TYR: variants seen among roughly 807,000 people sequenced by gnomAD.
TYR encodes tyrosinase.
Under a neutral mutation model 51.5 loss-of-function variants are expected in TYR, and 58 were observed. The observed-to-expected ratio is 1.13, with a 90% CI of 0.91 to 1.40. TYR has a LOEUF of 1.40. TYR is among the 40% of genes most tolerant of loss of function. The probability of loss-of-function intolerance (pLI) is 0.00; values close to 1 mark genes in which losing one functional copy is unlikely to be tolerated. For missense variants in TYR, 732 were observed against 647.4 expected (o/e 1.13, Z -1.42); for synonymous variants, 263 against 235.2 (o/e 1.12, Z -1.08).
intron 3 of TYR, among the ~76,000 whole-genome samples, chr11:89,280,271 C>A (rs973085341): frequency 1.3e-5 from 2 of 151,612 alleles, no homozygotes; most frequent in African/African-American, 4.8e-5. Context: ...CCTACTTTTT[C>A]TTCTTCTGGC....
chr11:89,252,678 T>A lies in TYR; in HGVS notation c.1184+24708T>A, dbSNP rs146237958. On this transcript the variant is annotated intron_variant, in intron 3 of 4. Transcript: ENST00000263321. ...ATTCAGAAAAAGCAAGTGCAAAACC[T>A]CTGAAATTAAAACAAACTAAGAATT... is the stretch of plus-strand genomic sequence containing the variant. Among the ~76,000 whole-genome samples, 443 of 151,850 alleles carry A rather than the reference T, an allele frequency of 2.9e-3. 1 individual carries two copies. The highest frequency in any genetic ancestry group is 9.9e-3 in the African/African-American group (413 of 41,512).
chr11:89,239,796 C>G (rs1322862032), intron 3 of TYR, among the ~76,000 whole-genome samples: 1 of 152,008 alleles, frequency 6.6e-6, no homozygotes, highest in Non-Finnish European at 1.5e-5. Context: ...TTAATTGACC[C>G]ATTTGTTGTT....
chr11:89,185,509 A>G (rs1050829897), intron 1 of TYR, among the ~76,000 whole-genome samples: 4 of 152,172 alleles, frequency 2.6e-5, no homozygotes, highest in African/African-American at 9.6e-5. Context: ...GAAAAGAAAT[A>G]AACAACAATG....
intron 2 of TYR, among the ~76,000 whole-genome samples, chr11:89,202,395 G>A (rs757766615): frequency 6.6e-6 from 1 of 151,682 alleles, no homozygotes; most frequent in Non-Finnish European, 1.5e-5. Flanking sequence ...AGCACACACT[G>A]TTGAGCTATG....
intron 3 of TYR, among the ~76,000 whole-genome samples, chr11:89,257,450 T>C (rs1479034537): frequency 6.6e-6 from 1 of 152,048 alleles, no homozygotes; most frequent in Non-Finnish European, 1.5e-5. Flanking sequence ...TTAATAGCCA[T>C]ATTATCCGTC....
At chr11:89,210,258 T>C (rs561873091) in intron 2 of TYR, among the ~76,000 whole-genome samples, 48 of 152,216 alleles carry the variant, frequency 3.2e-4, no homozygotes, top group Admixed American at 2.8e-3. Flanking sequence ...GAATAACCAG[T>C]GTAGAGAAGA....
chr11:89,273,315 T>C (rs1944612580), intron 3 of TYR, among the ~76,000 whole-genome samples: 1 of 151,922 alleles, frequency 6.6e-6, no homozygotes, highest in East Asian at 1.9e-4. Context: ...CTAATTTCAA[T>C]ATTGCTATGT....
intron 1 of TYR, among the ~76,000 whole-genome samples, chr11:89,181,126 T>C (rs1943295098): frequency 6.6e-6 from 1 of 152,126 alleles, no homozygotes; most frequent in African/African-American, 2.4e-5. Flanking sequence ...GTGATTCTTC[T>C]GCCTCAGTCT....
chr11:89,178,922 G>A, intron 1 of TYR, 150 bp downstream of exon 1: 1 of 767,600 alleles, frequency 1.3e-6, no homozygotes, highest in Non-Finnish European at 2.2e-6. Flanking sequence ...AATGTATCTT[G>A]TATTTTTCCT....
chr11:89,238,211 T>C (rs1036130411), intron 3 of TYR, among the ~76,000 whole-genome samples: 8 of 152,180 alleles, frequency 5.3e-5, no homozygotes, highest in Non-Finnish European at 8.8e-5. Flanking sequence ...CAATATTTTA[T>C]AGTTTTCAGT....
At chr11:89,280,647 A>C (rs1336923431) in intron 3 of TYR, among the ~76,000 whole-genome samples, 1 of 151,486 alleles carries the variant, frequency 6.6e-6, no homozygotes, top group Non-Finnish European at 1.5e-5. Context: ...ATAGTTCCAA[A>C]ATTTATATCA....
intron 3 of TYR, among the ~76,000 whole-genome samples, chr11:89,279,307 C>A (rs1944693018): frequency 6.6e-6 from 1 of 151,650 alleles, no homozygotes; most frequent in Non-Finnish European, 1.5e-5. Flanking sequence ...TAGCAGCTGG[C>A]CATAAAGAAA....
chr11:89,272,771 T>C (rs781021612), intron 3 of TYR, among the ~76,000 whole-genome samples: 3 of 151,978 alleles, frequency 2.0e-5, no homozygotes, highest in Non-Finnish European at 2.9e-5. Flanking sequence ...CAAGATCTTC[T>C]GGTTAATTTT....
rs184686941 is a variant in TYR, at chr11:89,290,119, T to A, written c.1367-5024T>A. On this transcript the variant is annotated intron_variant, in intron 4 of 4. Coordinates refer to ENST00000263321, the MANE Select transcript of TYR (RefSeq NM_000372.5). Reference sequence around the variant, plus strand: ...AATGATAGAGCATAAAACAAAAATCTACATAATTATTCTGAAAAGAATGGA... The same window carrying A: ...AATGATAGAGCATAAAACAAAAATCAACATAATTATTCTGAAAAGAATGGA... Among the ~76,000 whole-genome samples the A allele has an allele frequency of 5.6e-3, 851 of 152,150 alleles. 7 individuals carry two copies. The highest frequency in any genetic ancestry group is 0.018 in the African/African-American group (767 of 41,528).
intron 3 of TYR, among the ~76,000 whole-genome samples, chr11:89,267,778 G>A (rs1335616673): frequency 6.6e-6 from 1 of 151,670 alleles, no homozygotes; most frequent in Admixed American, 6.6e-5. Context: ...GATTAACTTA[G>A]AAAATGGGCA....
At chr11:89,224,522 A>C (rs77269275) in intron 2 of TYR, among the ~76,000 whole-genome samples, 5,432 of 152,246 alleles carry the variant, frequency 0.036, 138 homozygotes, top group Middle Eastern at 0.065. Context: ...AAAACTTTCT[A>C]AGGGGTACAT....
chr11:89,229,199 T>C (rs1944011423), intron 3 of TYR, among the ~76,000 whole-genome samples: 1 of 152,076 alleles, frequency 6.6e-6, no homozygotes. Flanking sequence ...TAGGCAGATT[T>C]TTATTGGCTT....
intron 4 of TYR, among the ~76,000 whole-genome samples, chr11:89,287,013 C>A (rs1944797009): frequency 1.3e-5 from 2 of 151,840 alleles, no homozygotes. Context: ...TGAATTCTGA[C>A]TCTCTTTCTC....
At chr11:89,231,597 C>T (rs1385290274) in intron 3 of TYR, among the ~76,000 whole-genome samples, 1 of 142,728 alleles carries the variant, frequency 7.0e-6, no homozygotes, top group Non-Finnish European at 1.5e-5. Flanking sequence ...AAAATTTAAA[C>T]TCCTAGAATT....
Sources: gnomAD v4.1 joint callset for allele counts (sites outside exome capture counted in the v4.1 genomes callset) on GRCh38, gnomAD v4.1.1 for gene constraint, MANE v1.5 for transcripts, NCBI Gene and HGNC (gene_info 2026-07-23, HGNC 2026-07-21) for gene names.